The following MSRB3 variants were observed in gnomAD, a reference collection of about 807,000 sequenced individuals.
MSRB3 encodes the protein methionine-R-sulfoxide reductase B3.
A neutral mutation model predicts 21.0 loss-of-function variants in MSRB3; 13 were observed. The observed-to-expected ratio is 0.62, with a 90% CI of 0.40 to 0.98. The LOEUF is 0.98. Ranked by LOEUF, MSRB3 falls within the 50% of genes least tolerant of loss-of-function variation. MSRB3 has a pLI of 0.00. For missense variants in MSRB3, 199 were observed against 230.3 expected, an observed-to-expected ratio of 0.86 and a Z score of 0.88; for synonymous variants, 87 against 88.6, an observed-to-expected ratio of 0.98 and a Z score of 0.10.
At chr12:65,322,975 GGA>G (rs1254291772) in intron 2 of MSRB3, among the ~76,000 whole-genome samples, 1 of 152,108 alleles carries the variant, frequency 6.6e-6, no homozygotes, top group Non-Finnish European at 1.5e-5. Context: ...TAAGGTGTGA[GGA>G]AAATACTGTT....
intron 4 of MSRB3, among the ~76,000 whole-genome samples, chr12:65,349,765 T>A (rs1455649000): frequency 6.7e-6 from 1 of 149,486 alleles, no homozygotes; most frequent in Admixed American, 6.7e-5. Flanking sequence ...TGTTTGTTTT[T>A]TTCTTGTAAA....
intron 6 of MSRB3, among the ~76,000 whole-genome samples, chr12:65,460,388 A>G (rs953160794): frequency 6.6e-6 from 1 of 151,564 alleles, no homozygotes; most frequent in Non-Finnish European, 1.5e-5. Context: ...AAACCGGGTA[A>G]CAGTCCTTTC....
chr12:65,392,604 T>C (rs1215027104), intron 5 of MSRB3, among the ~76,000 whole-genome samples: 1 of 152,190 alleles, frequency 6.6e-6, no homozygotes, highest in African/African-American at 2.4e-5. Context: ...TCTCAGTCAT[T>C]GTTGTCAGGA....
rs757834054 is a variant in MSRB3, at chr12:65,453,916, A to G, written c.390+91A>G. 4.9e-6 allele frequency: 5 copies of G among 1,020,666 alleles called. No individual in the cohort carries two copies. The Admixed American group carries it at 7.0e-5, about 14-fold the overall frequency. 63.2% of individuals were successfully genotyped at this position (1,020,666 alleles called of 1,614,324 possible). A position where few individuals can be genotyped will look rare whatever the true frequency, so the allele number is the denominator to read the frequency against. ...CAACTAAGGCCAAGCGACTGGTCAC[A>G]AGAAGGACAGACAAGCATGACGAAG... On this transcript the variant is annotated intron_variant, in intron 6 of 6. Coordinates refer to ENST00000308259, the MANE Select transcript of MSRB3 (RefSeq NM_001031679.3).
At chr12:65,298,736 G>C (rs986336902) in intron 1 of MSRB3, among the ~76,000 whole-genome samples, 3 of 152,076 alleles carry the variant, frequency 2.0e-5, no homozygotes, top group African/African-American at 7.2e-5. Context: ...AGATACAAGA[G>C]CAGATATTTA....
At chr12:65,296,640 C>T (rs1009553840) in intron 1 of MSRB3, among the ~76,000 whole-genome samples, 1 of 152,166 alleles carries the variant, frequency 6.6e-6, no homozygotes, top group Admixed American at 6.5e-5. Context: ...GACAGCAATA[C>T]AGGATACCCT....
intron 4 of MSRB3, among the ~76,000 whole-genome samples, chr12:65,366,705 T>A (rs746504749): frequency 1.3e-5 from 2 of 152,180 alleles, no homozygotes; most frequent in Non-Finnish European, 2.9e-5. Flanking sequence ...GGCCACAGTG[T>A]GACATTCAGG....
At position 65,366,489 on chromosome 12, in the gene MSRB3, G is replaced by T. The variant is rs1355365293; in HGVS notation, c.264-2509G>T. Among the ~76,000 whole-genome samples the T allele has an allele frequency of 4.6e-5, 7 of 152,254 alleles. No homozygotes were observed. In the East Asian group the frequency reaches 1.4e-3, roughly 29 times the overall value. On this transcript the variant is annotated intron_variant, in intron 4 of 6. Transcript: ENST00000308259. ...CAGGCAGAGGAAGGCCAGAGCAAAA[G>T]CTTCTTGCTCATCATTGGTGGATCT...
At chr12:65,351,719 T>C (rs1179414112) in intron 4 of MSRB3, among the ~76,000 whole-genome samples, 2 of 150,344 alleles carry the variant, frequency 1.3e-5, no homozygotes, top group Admixed American at 6.6e-5. Context: ...CTAGAAGAAA[T>C]GGATAAATTC....
intron 1 of MSRB3, among the ~76,000 whole-genome samples, chr12:65,294,312 T>C (rs1592496072): frequency 1.3e-5 from 2 of 152,354 alleles, no homozygotes; most frequent in East Asian, 3.9e-4. Flanking sequence ...AGAATCCCAC[T>C]GGGAATCTCC....
intron 4 of MSRB3, among the ~76,000 whole-genome samples, chr12:65,350,428 A>G (rs1292548653): frequency 6.6e-6 from 1 of 151,826 alleles, no homozygotes; most frequent in Non-Finnish European, 1.5e-5. Flanking sequence ...ACCAGCTAAC[A>G]TCATAATGAC....
chr12:65,350,447 A>C (rs1310687076), intron 4 of MSRB3, among the ~76,000 whole-genome samples: 1 of 151,664 alleles, frequency 6.6e-6, no homozygotes, highest in Non-Finnish European at 1.5e-5. Flanking sequence ...ACAGGATCAA[A>C]TTCACACGTA....
At chr12:65,352,218 A>G (rs1261034875) in intron 4 of MSRB3, among the ~76,000 whole-genome samples, 3 of 152,052 alleles carry the variant, frequency 2.0e-5, no homozygotes, top group South Asian at 2.1e-4. Context: ...AAAACCACAT[A>G]ATTATCTCAA....
intron 2 of MSRB3, among the ~76,000 whole-genome samples, chr12:65,309,747 C>T (rs1265099516): frequency 2.6e-5 from 4 of 152,086 alleles, no homozygotes; most frequent in Non-Finnish European, 4.4e-5. Flanking sequence ...AGCCTGGTTT[C>T]TAAGCAGGGT....
intron 1 of MSRB3, chr12:65,286,299 C>CG (rs1872343825): frequency 6.6e-6 from 1 of 151,972 alleles, no homozygotes; most frequent in Non-Finnish European, 1.5e-5. Flanking sequence ...TGAGCCATAG[C>CG]GGAAATTTTG....
intron 1 of MSRB3, among the ~76,000 whole-genome samples, chr12:65,297,211 G>A (rs1195646884): frequency 6.6e-6 from 1 of 152,008 alleles, no homozygotes; most frequent in African/African-American, 2.4e-5. Context: ...ACACAATGGG[G>A]CCTGTTGGAG....
At position 65,463,575 on chromosome 12, in the gene MSRB3, T is replaced by A; in HGVS notation, c.*253T>A. The A allele has an allele frequency of 6.5e-6, 3 of 461,132 alleles. No homozygotes were observed. The highest frequency in any genetic ancestry group is 1.2e-5 in the Non-Finnish European group (3 of 256,406). 28.6% of individuals were successfully genotyped at this position (461,132 alleles called of 1,614,324 possible). A position where few individuals can be genotyped will look rare whatever the true frequency, so the allele number is the denominator to read the frequency against. On this transcript the variant is annotated 3_prime_UTR_variant, in exon 7 of 7. Coordinates refer to ENST00000308259, the MANE Select transcript of MSRB3 (RefSeq NM_001031679.3). ...ACTTCTTCACAAGCCACTTATACCC[T>A]TTGGCATTCTTTTCTTTGAGCACAT...
intron 4 of MSRB3, among the ~76,000 whole-genome samples, chr12:65,358,712 G>C (rs999173412): frequency 1.3e-5 from 2 of 151,932 alleles, no homozygotes; most frequent in African/African-American, 4.8e-5. Context: ...CTGAATGGTA[G>C]GTGGCCTCTC....
chr12:65,437,370 A>G (rs946632046), intron 5 of MSRB3, among the ~76,000 whole-genome samples: 1 of 151,880 alleles, frequency 6.6e-6, no homozygotes, highest in Admixed American at 6.6e-5. Context: ...CGTGACAGGA[A>G]TTTTGGATAC....
Sources: allele counts gnomAD v4.1 joint callset (sites outside exome capture counted in the v4.1 genomes callset), GRCh38; gene constraint gnomAD v4.1.1; transcripts MANE v1.5; gene names NCBI Gene and HGNC (gene_info 2026-07-23, HGNC 2026-07-21).